Variants in NR2F1-AS1 observed in about 807,000 individuals in gnomAD.
NR2F1-AS1 encodes NR2F1 antisense RNA 1.
intron 4 of NR2F1-AS1, among the ~76,000 whole-genome samples, chr5:93,467,900 A>G (rs1750274525): frequency 6.6e-6 from 1 of 152,232 alleles, no homozygotes; most frequent in South Asian, 2.1e-4. Flanking sequence ...GAGTGAGAAC[A>G]TGCAGTGTTT....
intron 1 of NR2F1-AS1, among the ~76,000 whole-genome samples, chr5:93,565,797 C>A (rs956747023): frequency 5.3e-5 from 8 of 151,212 alleles, no homozygotes; most frequent in Non-Finnish European, 1.0e-4. Context: ...CACTGTGTCC[C>A]CCAACATAAG....
intron 4 of NR2F1-AS1, among the ~76,000 whole-genome samples, chr5:93,487,084 A>T (rs1413011980): frequency 2.6e-5 from 4 of 152,198 alleles, no homozygotes; most frequent in Non-Finnish European, 5.9e-5. Context: ...CTAGGTACTG[A>T]TGGGACGTAT....
intron 4 of NR2F1-AS1, among the ~76,000 whole-genome samples, chr5:93,498,675 C>T (rs1230578618): frequency 6.6e-6 from 1 of 151,674 alleles, no homozygotes; most frequent in Non-Finnish European, 1.5e-5. Context: ...ATCTATACTG[C>T]AAATAGAGGA....
At chr5:93,528,939 C>A (rs1751678031) in intron 4 of NR2F1-AS1, among the ~76,000 whole-genome samples, 1 of 151,984 alleles carries the variant, frequency 6.6e-6, no homozygotes. Flanking sequence ...GGAGAAATAT[C>A]TAATGTAGAT....
chr5:93,551,236 C>T (rs1046441710), intron 4 of NR2F1-AS1, among the ~76,000 whole-genome samples: 20 of 152,068 alleles, frequency 1.3e-4, no homozygotes, highest in Admixed American at 9.8e-4. Context: ...TTAGAAAATA[C>T]GCCACTCATT....
intron 4 of NR2F1-AS1, among the ~76,000 whole-genome samples, chr5:93,537,585 CAT>C (rs1751865609): frequency 1.3e-5 from 2 of 152,056 alleles, no homozygotes; most frequent in South Asian, 4.1e-4. Context: ...TAGGGAAATG[CAT>C]ATCAAAACCA....
rs186617521 is a variant in NR2F1-AS1 at position 93,443,247 on chromosome 5, C to T, written n.639-47705G>A. On this transcript the variant is annotated intron_variant and non_coding_transcript_variant, in intron 4 of 5. Transcript: ENST00000660523. ...TCAGATGATCAGTAATCACAAACTT[C>T]TCTGAGCTAAAGTATGATGTTTGAA... 2.0e-5 allele frequency among the ~76,000 whole-genome samples: 3 copies of T among 152,286 alleles called. No individual in the cohort carries two copies. In the East Asian group the frequency reaches 5.8e-4, roughly 29 times the overall value.
At chr5:93,531,695 T>C (rs1751739710) in intron 4 of NR2F1-AS1, among the ~76,000 whole-genome samples, 1 of 152,176 alleles carries the variant, frequency 6.6e-6, no homozygotes, top group Non-Finnish European at 1.5e-5. Context: ...CACATCTTTA[T>C]TAACAAAGTA....
intron 1 of NR2F1-AS1, among the ~76,000 whole-genome samples, chr5:93,574,610 G>T (rs1752853990): frequency 6.6e-6 from 1 of 152,164 alleles, no homozygotes; most frequent in Admixed American, 6.5e-5. Context: ...AGGAAGCCCA[G>T]CCTCTGCCTT....
intron 1 of NR2F1-AS1, among the ~76,000 whole-genome samples, chr5:93,576,987 T>C (rs1752911283): frequency 6.6e-6 from 1 of 152,258 alleles, no homozygotes; most frequent in Admixed American, 6.5e-5. Context: ...ATTTCCTTTT[T>C]TCTTTTTGCA....
chr5:93,572,209 A>C (rs1469129249), intron 1 of NR2F1-AS1, among the ~76,000 whole-genome samples: 3 of 152,210 alleles, frequency 2.0e-5, no homozygotes, highest in Non-Finnish European at 4.4e-5. Flanking sequence ...GCGCACGTAC[A>C]CACACTCACA....
At chr5:93,451,923 C>T (rs900984719) in intron 4 of NR2F1-AS1, among the ~76,000 whole-genome samples, 16 of 152,194 alleles carry the variant, frequency 1.1e-4, no homozygotes, top group Middle Eastern at 3.2e-3. Flanking sequence ...AAGGACCTCA[C>T]GGACATGTAT....
Position 93,547,873 on chromosome 5 carries a change from T to A in NR2F1-AS1, n.638+5888A>T, listed in dbSNP as rs1245862092. On this transcript the variant is annotated intron_variant and non_coding_transcript_variant, in intron 4 of 5. Coordinates refer to ENST00000660523, the Ensembl canonical transcript of NR2F1-AS1. The stretch of plus-strand genomic sequence containing the variant: ...ATGATGATATTGGTGTCAATGATAT[T>A]GACAAATACAATATAAATTTATGTA... Among the ~76,000 whole-genome samples the A allele has an allele frequency of 2.0e-5, 3 of 152,186 alleles. No individual in the cohort carries two copies. The East Asian group carries it at 5.8e-4, about 29-fold the overall frequency.
chr5:93,534,710 AGAG>A (rs1751803912), intron 4 of NR2F1-AS1, among the ~76,000 whole-genome samples: 1 of 152,182 alleles, frequency 6.6e-6, no homozygotes, highest in Non-Finnish European at 1.5e-5. Context: ...CCTGCCAGGC[AGAG>A]AAGTAGATCA....
chr5:93,413,134 T>C (rs1580202223), intron 4 of NR2F1-AS1, among the ~76,000 whole-genome samples: 1 of 149,826 alleles, frequency 6.7e-6, no homozygotes, highest in East Asian at 2.0e-4. Flanking sequence ...AGTGTCTTCT[T>C]AATAAAAACT....
At chr5:93,445,220 T>C (rs1038295481) in intron 4 of NR2F1-AS1, among the ~76,000 whole-genome samples, 5 of 151,656 alleles carry the variant, frequency 3.3e-5, no homozygotes, top group Non-Finnish European at 5.9e-5. Context: ...CTGAAGGAGA[T>C]AGAGACACAA....
chr5:93,499,200 G>A (rs1215353609), intron 4 of NR2F1-AS1, among the ~76,000 whole-genome samples: 1 of 152,140 alleles, frequency 6.6e-6, no homozygotes, highest in Non-Finnish European at 1.5e-5. Flanking sequence ...ATGTGAATGT[G>A]TGTGTGTTCC....
At chr5:93,434,185 G>A (rs1218206484) in intron 4 of NR2F1-AS1, among the ~76,000 whole-genome samples, 1 of 152,010 alleles carries the variant, frequency 6.6e-6, no homozygotes, top group Non-Finnish European at 1.5e-5. Flanking sequence ...TGCTAGAAGG[G>A]ATGATCAGTT....
chr5:93,489,935 C>T (rs894982633), intron 4 of NR2F1-AS1, among the ~76,000 whole-genome samples: 7 of 152,184 alleles, frequency 4.6e-5, no homozygotes, highest in African/African-American at 1.7e-4. Flanking sequence ...AATCTGCACT[C>T]TTCTGAAAAA....
Sources: gnomAD v4.1 joint callset for allele counts (sites outside exome capture counted in the v4.1 genomes callset) on GRCh38, gnomAD v4.1.1 for gene constraint, MANE v1.5 for transcripts, NCBI Gene and HGNC (gene_info 2026-07-23, HGNC 2026-07-21) for gene names.